Variants in SNTG1 observed in about 807,000 individuals in gnomAD.
SNTG1 encodes syntrophin gamma 1, also known as gamma-1-syntrophin.
In SNTG1, 39 loss-of-function variants were observed where a neutral mutation model predicts 74.7. That is an observed-to-expected ratio of 0.52 (90% CI 0.40 to 0.68). The LOEUF is 0.68. SNTG1 is among the 30% of genes least tolerant of loss of function. The pLI is 0.00. For synonymous variants in SNTG1, 254 were observed against 217.1 expected (o/e 1.17, Z -1.49); for missense variants, 685 against 609.5 (o/e 1.12, Z -1.30).
intron 2 of SNTG1, among the ~76,000 whole-genome samples, chr8:50,309,538 G>C (rs2090029159): frequency 6.6e-6 from 1 of 152,174 alleles, no homozygotes; most frequent in South Asian, 2.1e-4. Context: ...ATGAGTGGGG[G>C]ATTTTGACAT....
At chr8:50,221,559 CAG>C in intron 2 of SNTG1, among the ~76,000 whole-genome samples, 2 of 149,140 alleles carry the variant, frequency 1.3e-5, no homozygotes, top group East Asian at 3.9e-4. Context: ...ACAAGACTGA[CAG>C]ATAATAAAAC....
intron 2 of SNTG1, among the ~76,000 whole-genome samples, chr8:50,195,869 T>C (rs2083750243): frequency 1.3e-5 from 2 of 152,118 alleles, no homozygotes; most frequent in African/African-American, 4.8e-5. Context: ...GCAGTCGGCC[T>C]GGAGCTAAAA....
chr8:50,528,751 C>G (rs77659190), intron 9 of SNTG1, among the ~76,000 whole-genome samples: 6,667 of 150,958 alleles, frequency 0.044, 258 homozygotes, highest in African/African-American at 0.097. Context: ...TCAGTAATGA[C>G]CCCTCCTTCA....
rs5891365 is a variant in SNTG1, at chr8:50,442,680, T to TAAAAAAAAAAAAAA, written c.219+4095_219+4108dup. 6.3e-4 allele frequency among the ~76,000 whole-genome samples: 51 copies of TAAAAAAAAAAAAAA among 81,168 alleles called. 1 individual carries two copies. Among genetic ancestry groups the TAAAAAAAAAAAAAA allele is most frequent in the South Asian group, 4.1e-3 (8 of 1,940 alleles). 53.2% of individuals were successfully genotyped at this position (81,168 alleles called of 152,430 possible). On this transcript the variant is annotated intron_variant, in intron 5 of 18. Coordinates refer to ENST00000642720, the MANE Select transcript of SNTG1 (RefSeq NM_018967.5). Reference sequence around the variant, plus strand: ...TTCTTTGTATTAATTTGTCTATCAGTAAAAAAAAAAAAAAAAAAAAAAAAA... The same window carrying TAAAAAAAAAAAAAA: ...TTCTTTGTATTAATTTGTCTATCAGTAAAAAAAAAAAAAAAAAAAAAAAAAAAAAAAAAAAAAAA...
At chr8:49,991,462 A>T (rs190028501) in intron 1 of SNTG1, among the ~76,000 whole-genome samples, 2 of 152,328 alleles carry the variant, frequency 1.3e-5, no homozygotes, top group African/African-American at 4.8e-5. Context: ...AAATGATAAC[A>T]TAACATTTAT....
chr8:49,985,214 CAGG>C (rs1404028049), intron 1 of SNTG1, among the ~76,000 whole-genome samples: 2 of 152,024 alleles, frequency 1.3e-5, no homozygotes, highest in Admixed American at 6.6e-5. Flanking sequence ...CTCTGTCGCC[CAGG>C]CTGGAGTGTA....
intron 1 of SNTG1, among the ~76,000 whole-genome samples, chr8:50,108,955 G>T (rs1196577549): frequency 6.6e-6 from 1 of 152,162 alleles, no homozygotes; most frequent in Non-Finnish European, 1.5e-5. Context: ...TATGTATATA[G>T]TCTAGGTGGA....
intron 1 of SNTG1, among the ~76,000 whole-genome samples, chr8:49,999,540 G>C (rs781679053): frequency 6.6e-6 from 1 of 152,144 alleles, no homozygotes; most frequent in Non-Finnish European, 1.5e-5. Flanking sequence ...CCTATGATGA[G>C]TCTGACCATT....
chr8:50,150,117 T>A (rs1316182572), intron 1 of SNTG1, among the ~76,000 whole-genome samples: 1 of 152,188 alleles, frequency 6.6e-6, no homozygotes, highest in Non-Finnish European at 1.5e-5. Flanking sequence ...ACATCCCTTG[T>A]AAGTTGGATT....
chr8:50,164,068 G>T (rs982890878), intron 1 of SNTG1: 3 of 139,420 alleles, frequency 2.2e-5, no homozygotes, highest in Non-Finnish European at 3.1e-5. Context: ...TGATCTCAGA[G>T]ACTTTGATAG....
At chr8:50,159,592 C>A (rs1463384631) in intron 1 of SNTG1, among the ~76,000 whole-genome samples, 1 of 152,046 alleles carries the variant, frequency 6.6e-6, no homozygotes, top group Non-Finnish European at 1.5e-5. Flanking sequence ...ACTATTTTAT[C>A]ATGTTTATAT....
At chr8:50,423,084 T>C (rs1030137441) in intron 4 of SNTG1, among the ~76,000 whole-genome samples, 1 of 152,166 alleles carries the variant, frequency 6.6e-6, no homozygotes, top group Admixed American at 6.6e-5. Flanking sequence ...TTTATTATGA[T>C]GATATAACAT....
intron 1 of SNTG1, among the ~76,000 whole-genome samples, chr8:50,151,216 TC>T (rs1195548699): frequency 2.0e-5 from 3 of 152,200 alleles, no homozygotes; most frequent in Admixed American, 6.5e-5. Flanking sequence ...TTTATAGTGT[TC>T]TCTGATGGTA....
chr8:50,530,222 A>T lies in SNTG1; in HGVS notation c.512A>T (p.Asp171Val). The T allele has an allele frequency of 6.2e-7, 1 of 1,613,828 alleles. No homozygotes were observed. The highest frequency in any genetic ancestry group is 8.5e-7 in the Non-Finnish European group (1 of 1,179,794). Residue 171 changes from aspartate (D) to valine (V), a missense_variant, in exon 10 of 19, where the codon GAC (aspartate) becomes GTC (valine). Coordinates refer to ENST00000642720, the MANE Select transcript of SNTG1 (RefSeq NM_018967.5). ...QSSGTSSPLC[D>V]SGLHLNYHPN... is the part of the protein sequence containing the mutation. ...AGTGGCACCTCCTCTCCTCTCTGTG[A>T]CAGTGGCTTACATCTCAACTACCAT...
chr8:50,373,018 G>T (rs1469169258), intron 2 of SNTG1, among the ~76,000 whole-genome samples: 1 of 152,044 alleles, frequency 6.6e-6, no homozygotes, highest in African/African-American at 2.4e-5. Context: ...TAAACATTTA[G>T]CTATTCTGCA....
At chr8:50,016,410 G>C (rs1404110706) in intron 1 of SNTG1, among the ~76,000 whole-genome samples, 10 of 152,076 alleles carry the variant, frequency 6.6e-5, no homozygotes, top group Non-Finnish European at 2.9e-5. Flanking sequence ...AAGGACCATA[G>C]AGTGGTCAAC....
intron 4 of SNTG1, among the ~76,000 whole-genome samples, chr8:50,403,546 A>T (rs1008142967): frequency 1.3e-5 from 2 of 152,228 alleles, no homozygotes; most frequent in Admixed American, 6.5e-5. Flanking sequence ...AGATCAAAAA[A>T]TAAAATCAGT....
chr8:50,080,930 T>A (rs1400599302), intron 1 of SNTG1, among the ~76,000 whole-genome samples: 1 of 152,170 alleles, frequency 6.6e-6, no homozygotes, highest in Non-Finnish European at 1.5e-5. Context: ...ATAAAATATA[T>A]CAATTTTGCT....
chr8:50,166,862 G>A (rs1358927475), intron 1 of SNTG1, among the ~76,000 whole-genome samples: 7 of 151,372 alleles, frequency 4.6e-5, no homozygotes, highest in Non-Finnish European at 1.0e-4. Context: ...GCAGCGACTT[G>A]GAACCAACCC....
Sources: allele counts gnomAD v4.1 joint callset (sites outside exome capture counted in the v4.1 genomes callset), GRCh38; gene constraint gnomAD v4.1.1; transcripts MANE v1.5; gene names NCBI Gene and HGNC (gene_info 2026-07-23, HGNC 2026-07-21).